The following AGA variants were observed in gnomAD, a reference collection of about 807,000 sequenced individuals.
AGA encodes the protein aspartylglucosaminidase.
In AGA, 31 loss-of-function variants were observed where a neutral mutation model predicts 40.1. The ratio of observed to expected loss-of-function variants is 0.77; its 90% CI spans 0.58 to 1.04. The LOEUF is 1.04. Ranked by LOEUF, AGA falls within the 50% of genes least tolerant of loss-of-function variation. AGA has a pLI of 0.00. For synonymous variants in AGA, 148 were observed against 144.0 expected (o/e 1.03, Z -0.20); for missense variants, 445 against 435.4 (o/e 1.02, Z -0.20).
At chr4:177,433,076 T>G in intron 8 of AGA, 138 bp downstream of exon 8, 2 of 1,215,150 alleles carry the variant, frequency 1.6e-6, no homozygotes, top group South Asian at 1.3e-5. Flanking sequence ...AGATCATCAA[T>G]GAACATTTAC....
At chr4:177,434,525 C>T (rs371243301) in intron 6 of AGA, 36 bp from the exon 7 acceptor site, 18 of 1,553,866 alleles carry the variant, frequency 1.2e-5, no homozygotes, top group Middle Eastern at 1.7e-4. Context: ...GGCAGGAAAT[C>T]GAGTGTAAAA....
At chr4:177,438,136 A>G (rs1736884388) in intron 4 of AGA, among the ~76,000 whole-genome samples, 1 of 152,108 alleles carries the variant, frequency 6.6e-6, no homozygotes, top group African/African-American at 2.4e-5. Flanking sequence ...TGCCTCCCCT[A>G]ACTTCGTTTT....
At chr4:177,436,876 T>G (rs1323135800) in intron 5 of AGA, among the ~76,000 whole-genome samples, 1 of 152,022 alleles carries the variant, frequency 6.6e-6, no homozygotes, top group African/African-American at 2.4e-5. Context: ...TCGCAGGGAG[T>G]GGGTTCCTGA....
chr4:177,433,379 T>C, intron 7 of AGA, 32 bp from the exon 8 acceptor site: 2 of 1,613,602 alleles, frequency 1.2e-6, no homozygotes, highest in Non-Finnish European at 1.7e-6. Flanking sequence ...CCTTAGTGTC[T>C]CAGAATAAAT....
chr4:177,432,078 G>C (rs1303376323), intron 8 of AGA, among the ~76,000 whole-genome samples: 1 of 152,106 alleles, frequency 6.6e-6, no homozygotes, highest in Non-Finnish European at 1.5e-5. Context: ...TCACTGCTAC[G>C]ATTATTTAAC....
chr4:177,442,220 AG>A, intron 1 of AGA, 28 bp downstream of exon 1: 1 of 1,611,870 alleles, frequency 6.2e-7, no homozygotes, highest in Non-Finnish European at 8.5e-7. Flanking sequence ...CTCGCGGCGC[AG>A]CCGCCCGCCC....
At chr4:177,434,803 C>T (rs1453556656) in intron 6 of AGA, among the ~76,000 whole-genome samples, 1 of 152,080 alleles carries the variant, frequency 6.6e-6, no homozygotes, top group Non-Finnish European at 1.5e-5. Context: ...AAAGGACACA[C>T]AATTCCAGTT....
chr4:177,437,036 C>G lies in AGA; in HGVS notation c.622+369G>C, dbSNP rs148256993. On this transcript the variant is annotated intron_variant, in intron 5 of 8. Coordinates refer to ENST00000264595, the MANE Select transcript of AGA (RefSeq NM_000027.4). ...AACTTTTGTTTATAAATTACCCAGTCTGTGGTAGTCTGTTATAACAGCGAA... is the reference window on the plus strand; with the variant it reads ...AACTTTTGTTTATAAATTACCCAGTGTGTGGTAGTCTGTTATAACAGCGAA... The G allele has an allele frequency of 2.6e-3, 693 of 268,280 alleles. 7 individuals carry two copies. The highest frequency in any genetic ancestry group is 0.014 in the African/African-American group (624 of 43,822). The allele number at this position is 268,280 out of a possible 1,614,324, so 16.6% of individuals were successfully genotyped here.
chr4:177,441,811 G>A (rs527278191), intron 1 of AGA, among the ~76,000 whole-genome samples: 109 of 152,184 alleles, frequency 7.2e-4, no homozygotes, highest in African/African-American at 2.4e-3. Flanking sequence ...AAAGTAAATG[G>A]GAAAAGAGTA....
chr4:177,438,697 C>G lies in AGA; in HGVS notation c.507+48G>C, dbSNP rs1202545269. On this transcript the variant is annotated intron_variant, in intron 4 of 8. Coordinates refer to ENST00000264595, the MANE Select transcript of AGA (RefSeq NM_000027.4). Reference sequence around the variant, plus strand: ...GCAACACTGAGCAGAAAGGATGTCACTGAATATTTTCAATTAACTTATTTT... The same window carrying G: ...GCAACACTGAGCAGAAAGGATGTCAGTGAATATTTTCAATTAACTTATTTT... 4.7e-6 allele frequency: 6 copies of G among 1,275,558 alleles called. No homozygotes were observed. The African/African-American group carries it at 8.9e-5, about 19-fold the overall frequency. The allele number at this position is 1,275,558 out of a possible 1,614,324, so 79.0% of individuals were successfully genotyped here.
In AGA at chr4:177,436,276, C is replaced by T; in HGVS notation, c.698G>A (p.Gly233Asp). Residue 233 changes from glycine to aspartate, a missense_variant and splice_region_variant, in exon 6 of 9, where the codon GGC (glycine) becomes GAC (aspartate). Coordinates refer to ENST00000264595, the MANE Select transcript of AGA (RefSeq NM_000027.4). The part of the protein sequence containing the change: ...STNGIKFKIH[G>D]RVGDSPIPGA... Reference sequence around the variant, plus strand: ...GCTCTGTTCTTTTGGAAACACTAACCCATGTATTTTGAATTTTATACCATT... The same window carrying T: ...GCTCTGTTCTTTTGGAAACACTAACTCATGTATTTTGAATTTTATACCATT... The T allele has an allele frequency of 6.2e-7, 1 of 1,608,714 alleles. No homozygotes were observed. Among genetic ancestry groups the T allele is most frequent in the East Asian group, 2.2e-5 (1 of 44,844 alleles).
At chr4:177,437,110 GAA>G (rs1277950584) in intron 5 of AGA, 2 of 358,566 alleles carry the variant, frequency 5.6e-6, no homozygotes, top group African/African-American at 4.2e-5. Flanking sequence ...TTGTAACTTG[GAA>G]AAAGTTATTT....
intron 1 of AGA, 65 bp downstream of exon 1, chr4:177,442,184 G>T: frequency 1.2e-6 from 2 of 1,601,384 alleles, no homozygotes; most frequent in East Asian, 2.3e-5. Context: ...GCAGCGGGGC[G>T]GGCTAGTCAT....
At chr4:177,435,870 CACA>C (rs1416593342) in intron 6 of AGA, among the ~76,000 whole-genome samples, 12 of 151,960 alleles carry the variant, frequency 7.9e-5, no homozygotes, top group East Asian at 7.7e-4. Flanking sequence ...CACACACACA[CACA>C]CCCCTTCTTT....
intron 1 of AGA, 123 bp downstream of exon 1, chr4:177,442,126 G>A: frequency 2.8e-6 from 4 of 1,435,752 alleles, no homozygotes; most frequent in East Asian, 2.5e-5. Flanking sequence ...GCGGGACCGC[G>A]AGGCCCGGCC....
Position 177,434,393 on chromosome 4 carries a change from G to A in AGA, c.795C>T (p.Arg265=), listed in dbSNP as rs2111008931. 5 of 1,613,998 alleles carry A rather than the reference G, an allele frequency of 3.1e-6. No homozygotes were observed. Among genetic ancestry groups the A allele is most frequent in the Non-Finnish European group, 3.4e-6 (4 of 1,179,874 alleles). ...CTAAGAAGTCATACCTTGGCAGGAA[G>A]CGCATCAATATATCACCATTCCCAG... ...AATGNGDILM[R]FLPSYQAVEY... is the part of the protein sequence containing the mutation. The change falls in exon 7 of 9, where the codon CGC becomes CGT. Residue 265 remains arginine, a synonymous_variant. Coordinates refer to ENST00000264595, the MANE Select transcript of AGA (RefSeq NM_000027.4).
chr4:177,433,406 G>T (rs1736692346), intron 7 of AGA, 59 bp from the exon 8 acceptor site: 3 of 1,604,256 alleles, frequency 1.9e-6, no homozygotes, highest in South Asian at 2.2e-5. Flanking sequence ...TCCAAATTGG[G>T]TTACTTGAAG....
rs184905324 is a variant in AGA, at chr4:177,431,572, A to G, written c.*136T>C. 309 of 756,898 alleles carry G rather than the reference A, an allele frequency of 4.1e-4. 3 individuals carry two copies. The Admixed American group carries it at 6.2e-3, about 15-fold the overall frequency. The allele number at this position is 756,898 out of a possible 1,614,324, so 46.9% of individuals were successfully genotyped here. A position where few individuals can be genotyped will look rare whatever the true frequency, so the allele number is the denominator to read the frequency against. ...TTTCAGATATAGAAAGTGCCAATTC[A>G]ACATAAATTTATTTTTGTGTTTATT... On this transcript the variant is annotated 3_prime_UTR_variant, in exon 9 of 9. Coordinates refer to ENST00000264595, the MANE Select transcript of AGA (RefSeq NM_000027.4).
At chr4:177,437,055 C>CAGACTA (rs1413283405) in intron 5 of AGA, 1 of 301,678 alleles carries the variant, frequency 3.3e-6, no homozygotes, top group East Asian at 9.0e-5. Context: ...TCTGTTATAA[C>CAGACTA]AGCGAAAAAC....
Sources: allele counts gnomAD v4.1 joint callset (sites outside exome capture counted in the v4.1 genomes callset), GRCh38; gene constraint gnomAD v4.1.1; transcripts MANE v1.5; gene names NCBI Gene and HGNC (gene_info 2026-07-23, HGNC 2026-07-21).